CNIH3: variants seen among roughly 807,000 people sequenced by gnomAD.
CNIH3 encodes cornichon family AMPA receptor auxiliary protein 3, also known as protein cornichon homolog 3.
A neutral mutation model predicts 24.1 loss-of-function variants in CNIH3; 14 were observed. The observed-to-expected ratio is 0.58, with a 90% CI of 0.38 to 0.91. The LOEUF (loss-of-function observed/expected upper bound fraction) is 0.91, where lower values mean the gene tolerates loss of function less well. Among genes scored for constraint, CNIH3 ranks in the 40% least tolerant of loss-of-function variants. CNIH3 has a pLI of 0.00. For missense variants in CNIH3, 178 were observed against 196.8 expected (o/e 0.90, Z 0.57); for synonymous variants, 68 against 73.8 (o/e 0.92, Z 0.40).
chr1:224,714,300 C>T (rs995773838), intron 3 of CNIH3, among the ~76,000 whole-genome samples: 3 of 152,186 alleles, frequency 2.0e-5, no homozygotes, highest in Non-Finnish European at 4.4e-5. Flanking sequence ...AAAACATATT[C>T]CTTTGTAAGA....
chr1:224,529,160 G>GC (rs948937092), intron 2 of CNIH3: 1 of 152,178 alleles, frequency 6.6e-6, no homozygotes, highest in Non-Finnish European at 1.5e-5. Context: ...TTGATTTCCA[G>GC]CTTGTTTAAG....
At chr1:224,562,013 C>T (rs566993915) in intron 3 of CNIH3, among the ~76,000 whole-genome samples, 3 of 149,486 alleles carry the variant, frequency 2.0e-5, no homozygotes, top group South Asian at 4.1e-4. Flanking sequence ...GTTGAAGACA[C>T]CTCCAACATT....
chr1:224,685,470 G>A (rs1439752998), intron 3 of CNIH3, among the ~76,000 whole-genome samples: 1 of 152,164 alleles, frequency 6.6e-6, no homozygotes, highest in African/African-American at 2.4e-5. Flanking sequence ...CATAGCTGGG[G>A]GCCCCTGTGT....
At chr1:224,669,941 A>ATGGCATTCCC (rs1491484783) in intron 1 of CNIH3, among the ~76,000 whole-genome samples, 1 of 151,980 alleles carries the variant, frequency 6.6e-6, no homozygotes, top group Non-Finnish European at 1.5e-5. Context: ...CTTTTACACA[A>ATGGCATTCCC]TGGCATTCCC....
At position 224,586,420 on chromosome 1, in the gene CNIH3, A is replaced by G. The variant is rs143122283; in HGVS notation, n.621-1941A>G. ...TCAGATCACATGAGACTTATTCACT[A>G]TCATGAGAACAGCATGGGAAAGACC... is the stretch of plus-strand genomic sequence containing the variant. On this transcript the variant is annotated intron_variant and non_coding_transcript_variant, in intron 5 of 5. Coordinates refer to the CNIH3 transcript ENST00000471578. 7.2e-5 allele frequency among the ~76,000 whole-genome samples: 11 copies of G among 152,296 alleles called. No homozygotes were observed. The East Asian group carries it at 1.9e-3, about 27-fold the overall frequency.
intron 4 of CNIH3, among the ~76,000 whole-genome samples, chr1:224,572,774 C>T (rs1680877698): frequency 6.6e-6 from 1 of 151,980 alleles, no homozygotes; most frequent in Non-Finnish European, 1.5e-5. Context: ...GATGTCTTTT[C>T]ATTTATTTAT....
chr1:224,516,881 C>T (rs1285390619), intron 1 of CNIH3, among the ~76,000 whole-genome samples: 2 of 152,064 alleles, frequency 1.3e-5, no homozygotes, highest in African/African-American at 4.8e-5. Context: ...CCTGGCCCCA[C>T]TCTTGTTTTT....
At chr1:224,447,934 G>T (rs943946096) in intron 1 of CNIH3, among the ~76,000 whole-genome samples, 2 of 152,176 alleles carry the variant, frequency 1.3e-5, no homozygotes, top group Non-Finnish European at 2.9e-5. Flanking sequence ...GCACAGAGGG[G>T]CTACATAATT....
chr1:224,490,548 A>C (rs1677201837), intron 1 of CNIH3, among the ~76,000 whole-genome samples: 1 of 152,132 alleles, frequency 6.6e-6, no homozygotes, highest in African/African-American at 2.4e-5. Flanking sequence ...AATTGTTTTG[A>C]GATTTTTCTG....
At chr1:224,484,494 GTGT>G (rs1477107976) in intron 1 of CNIH3, among the ~76,000 whole-genome samples, 1 of 152,022 alleles carries the variant, frequency 6.6e-6, no homozygotes, top group African/African-American at 2.4e-5. Flanking sequence ...ATATGTGTTG[GTGT>G]TGTTTTCTTC....
chr1:224,706,629 T>C (rs1011571396), intron 3 of CNIH3, among the ~76,000 whole-genome samples: 18 of 152,186 alleles, frequency 1.2e-4, no homozygotes, highest in African/African-American at 2.9e-4. Flanking sequence ...GAGGTTTGCA[T>C]GTATGTCTCT....
At position 224,458,234 on chromosome 1, in the gene CNIH3, C is replaced by T. The variant is rs568537959; in HGVS notation, n.203+23372C>T. Among the ~76,000 whole-genome samples, 321 of 152,286 alleles carry T rather than the reference C, an allele frequency of 2.1e-3. 1 individual carries two copies. The Middle Eastern group carries it at 0.031, about 15-fold the overall frequency. ...TGAGTAGAAACTGGTTCTGGGGCAT[C>T]GTGTGGCTAGGGTGCCAAAGCCGAG... On this transcript the variant is annotated intron_variant and non_coding_transcript_variant, in intron 1 of 5. Transcript: ENST00000471578. This position sits in a 1 kb window ranked among gnomAD's most constrained non-coding sequence, Gnocchi z 4.3.
At chr1:224,663,291 A>G (rs990663565) in intron 1 of CNIH3, among the ~76,000 whole-genome samples, 1 of 152,122 alleles carries the variant, frequency 6.6e-6, no homozygotes, top group Non-Finnish European at 1.5e-5. Context: ...AACTACATTC[A>G]TACCAACCTA....
intron 1 of CNIH3, among the ~76,000 whole-genome samples, chr1:224,470,617 G>C (rs989976004): frequency 2.0e-5 from 3 of 152,120 alleles, no homozygotes; most frequent in African/African-American, 7.2e-5. Context: ...ACCACACCCA[G>C]CCCTCTTTCA....
intron 1 of CNIH3, among the ~76,000 whole-genome samples, chr1:224,452,313 C>T (rs1675436146): frequency 6.6e-6 from 1 of 151,804 alleles, no homozygotes; most frequent in African/African-American, 2.4e-5. Flanking sequence ...CCATGCCCGG[C>T]TAATTTTTGT....
At chr1:224,465,515 C>A (rs1676118852) in intron 1 of CNIH3, among the ~76,000 whole-genome samples, 1 of 152,184 alleles carries the variant, frequency 6.6e-6, no homozygotes, top group Non-Finnish European at 1.5e-5. Flanking sequence ...CTCCTCATAG[C>A]TTTTATGCTG....
At chr1:224,551,936 A>G (rs773101585) in intron 3 of CNIH3, among the ~76,000 whole-genome samples, 6 of 151,464 alleles carry the variant, frequency 4.0e-5, no homozygotes, top group African/African-American at 7.3e-5. Flanking sequence ...CCCTCTGTGT[A>G]CACCCACTGT....
chr1:224,728,534 A>G (rs1365587442), intron 3 of CNIH3, among the ~76,000 whole-genome samples: 1 of 151,954 alleles, frequency 6.6e-6, no homozygotes, highest in Non-Finnish European at 1.5e-5. Context: ...GGGTTAATGC[A>G]ATTCATCTAC....
intron 3 of CNIH3, among the ~76,000 whole-genome samples, chr1:224,726,826 A>G (rs1689051893): frequency 6.6e-6 from 1 of 152,152 alleles, no homozygotes; most frequent in South Asian, 2.1e-4. Flanking sequence ...CTTGCATGAA[A>G]TAGTTTCTCC....
Sources: gnomAD v4.1 joint callset for allele counts (sites outside exome capture counted in the v4.1 genomes callset) on GRCh38, gnomAD v4.1.1 for gene constraint, Gnocchi (gnomAD v3.1) non-coding constraint, MANE v1.5 for transcripts, NCBI Gene and HGNC (gene_info 2026-07-23, HGNC 2026-07-21) for gene names.